The following FSTL5 variants were observed in gnomAD, a reference collection of about 807,000 sequenced individuals.
FSTL5 encodes the protein follistatin-related protein 5.
A neutral mutation model predicts 89.1 loss-of-function variants in FSTL5; 62 were observed. The ratio of observed to expected loss-of-function variants is 0.70; its 90% CI spans 0.57 to 0.86. FSTL5 has a LOEUF of 0.86. FSTL5 is among the 40% of genes least tolerant of loss of function. The pLI, the probability that FSTL5 is intolerant of heterozygous loss-of-function variation, is 0.00. For synonymous variants in FSTL5, 383 were observed against 346.2 expected (o/e 1.11, Z -1.18); for missense variants, 1,057 against 1,001.6 (o/e 1.06, Z -0.75).
chr4:161,487,107 AT>A (rs1473612234), intron 12 of FSTL5, among the ~76,000 whole-genome samples: 1 of 152,128 alleles, frequency 6.6e-6, no homozygotes, highest in African/African-American at 2.4e-5. Context: ...GTGACATATA[AT>A]TTGGCAATGA....
chr4:161,873,856 T>C (rs1732354534), intron 4 of FSTL5, among the ~76,000 whole-genome samples: 1 of 152,084 alleles, frequency 6.6e-6, no homozygotes, highest in Non-Finnish European at 1.5e-5. Flanking sequence ...CGTTCATTTA[T>C]TGAATGTGGC....
chr4:161,908,753 G>C (rs1199469685), intron 4 of FSTL5, among the ~76,000 whole-genome samples: 1 of 152,082 alleles, frequency 6.6e-6, no homozygotes, highest in Non-Finnish European at 1.5e-5. Context: ...ACTCAAAGCA[G>C]TTTCATTTGC....
intron 4 of FSTL5, among the ~76,000 whole-genome samples, chr4:161,779,302 T>G (rs1741535650): frequency 6.6e-6 from 1 of 152,230 alleles, no homozygotes; most frequent in Admixed American, 6.5e-5. Flanking sequence ...AAGGCATTCA[T>G]ATTCTATAAA....
At chr4:161,475,759 C>CT (rs934211033) in intron 13 of FSTL5, among the ~76,000 whole-genome samples, 10 of 150,198 alleles carry the variant, frequency 6.7e-5, no homozygotes, top group South Asian at 2.1e-4. Context: ...TTCTGTTTTC[C>CT]TTTTTTTTGA....
chr4:161,766,573 T>C (rs1384709992), intron 5 of FSTL5, among the ~76,000 whole-genome samples: 2 of 152,142 alleles, frequency 1.3e-5, no homozygotes, highest in Non-Finnish European at 2.9e-5. Context: ...CCTAAACCCA[T>C]CATTGTGTCT....
chr4:161,714,868 T>C (rs546355049), intron 6 of FSTL5, among the ~76,000 whole-genome samples: 1 of 152,284 alleles, frequency 6.6e-6, no homozygotes, highest in Non-Finnish European at 1.5e-5. Flanking sequence ...CTCTATCCTA[T>C]ATGTACTAGG....
chr4:161,976,330 T>G (rs1466999682), intron 3 of FSTL5, among the ~76,000 whole-genome samples: 1 of 152,144 alleles, frequency 6.6e-6, no homozygotes, highest in Non-Finnish European at 1.5e-5. Flanking sequence ...TTGAGAGTGA[T>G]TAATTCAAGA....
chr4:161,613,280 G>A (rs912636043), intron 7 of FSTL5, among the ~76,000 whole-genome samples: 2 of 151,908 alleles, frequency 1.3e-5, no homozygotes, highest in African/African-American at 4.8e-5. Flanking sequence ...GTGAAATCTT[G>A]TCTCTACTAA....
chr4:162,107,179 C>T (rs1731257435), intron 2 of FSTL5, among the ~76,000 whole-genome samples: 1 of 152,162 alleles, frequency 6.6e-6, no homozygotes, highest in Non-Finnish European at 1.5e-5. Context: ...ATTCTGTAAC[C>T]TCTATTAAGT....
At chr4:161,621,340 C>T (rs1735116102) in intron 7 of FSTL5, among the ~76,000 whole-genome samples, 1 of 150,272 alleles carries the variant, frequency 6.7e-6, no homozygotes, top group Admixed American at 6.6e-5. Flanking sequence ...AAATCAATTA[C>T]AAGTGAAGTT....
At chr4:161,427,486 T>C (rs1732206184) in intron 15 of FSTL5, among the ~76,000 whole-genome samples, 1 of 152,220 alleles carries the variant, frequency 6.6e-6, no homozygotes, top group Non-Finnish European at 1.5e-5. Flanking sequence ...CATTGCTAAG[T>C]ATTCCTTAGA....
At chr4:161,795,835 A>G (rs1196106553) in intron 4 of FSTL5, among the ~76,000 whole-genome samples, 1 of 151,902 alleles carries the variant, frequency 6.6e-6, no homozygotes, top group East Asian at 1.9e-4. Flanking sequence ...TATTGTTTTG[A>G]TTACTAAAGC....
chr4:161,526,425 A>G (rs971666760), intron 10 of FSTL5, among the ~76,000 whole-genome samples: 16 of 152,198 alleles, frequency 1.1e-4, no homozygotes, highest in Non-Finnish European at 1.9e-4. Flanking sequence ...AACAGACAGT[A>G]CATCAATTTA....
chr4:161,647,945 A>C lies in FSTL5; in HGVS notation c.894+8383T>G, dbSNP rs532529884. Reference sequence around the variant, plus strand: ...GAGGAACACACTGACAGGCACCAGCACACTAGCAGCCACCGACTGGCAGAA... The same window carrying C: ...GAGGAACACACTGACAGGCACCAGCCCACTAGCAGCCACCGACTGGCAGAA... On this transcript the variant is annotated intron_variant, in intron 7 of 15. Coordinates refer to ENST00000306100, the MANE Select transcript of FSTL5 (RefSeq NM_020116.5). Among the ~76,000 whole-genome samples, 5 of 152,254 alleles carry C rather than the reference A, an allele frequency of 3.3e-5. No homozygotes were observed. In the East Asian group the frequency reaches 9.7e-4, roughly 30 times the overall value.
At chr4:161,859,440 TCTTCATTTGGTTA>T (rs989775566) in intron 4 of FSTL5, among the ~76,000 whole-genome samples, 8 of 152,218 alleles carry the variant, frequency 5.3e-5, no homozygotes, top group African/African-American at 1.9e-4. Context: ...TTTTCCAGTT[TCTTCATTTGGTTA>T]CTAAAAGCTC....
chr4:161,862,371 G>A (rs1038556641), intron 4 of FSTL5, among the ~76,000 whole-genome samples: 21 of 152,126 alleles, frequency 1.4e-4, no homozygotes, highest in African/African-American at 4.8e-4. Context: ...AAATTAGGCA[G>A]GCAAAGTCTT....
At chr4:161,734,702 G>A (rs1388955908) in intron 6 of FSTL5, among the ~76,000 whole-genome samples, 1 of 152,080 alleles carries the variant, frequency 6.6e-6, no homozygotes, top group African/African-American at 2.4e-5. Flanking sequence ...AAACTTCAAC[G>A]AACTGTGTTT....
Position 161,459,193 on chromosome 4 carries a change from T to A in FSTL5, c.1716+19A>T, listed in dbSNP as rs771462922. On this transcript the variant is annotated intron_variant, in intron 14 of 15. Coordinates refer to ENST00000306100, the MANE Select transcript of FSTL5 (RefSeq NM_020116.5). ...CTTTAAAGATTGTTATTTTCTCTAA[T>A]ATACTGAAATGTACTTACCTGTAGT... The A allele has an allele frequency of 1.9e-5, 24 of 1,288,314 alleles. No homozygotes were observed. Among genetic ancestry groups the A allele is most frequent in the African/African-American group, 2.9e-5 (2 of 68,320 alleles). 79.8% of individuals were successfully genotyped at this position (1,288,314 alleles called of 1,614,324 possible).
chr4:161,641,504 G>GTTTTTTTTTTTT (rs71598725), intron 7 of FSTL5, among the ~76,000 whole-genome samples: 1 of 132,336 alleles, frequency 7.6e-6, no homozygotes. Flanking sequence ...TTTTTGTTTT[G>GTTTTTTTTTTTT]TTTTGTTTTT....
Sources: allele counts gnomAD v4.1 joint callset (sites outside exome capture counted in the v4.1 genomes callset), GRCh38; gene constraint gnomAD v4.1.1; transcripts MANE v1.5; gene names NCBI Gene and HGNC (gene_info 2026-07-23, HGNC 2026-07-21).